Variants in SEMA3A observed in about 807,000 individuals in gnomAD.
SEMA3A encodes the protein semaphorin 3A.
SEMA3A carries 29 observed loss-of-function variants against 97.9 expected under a neutral mutation model. The observed-to-expected ratio is 0.30, with a 90% CI of 0.22 to 0.40. The LOEUF (loss-of-function observed/expected upper bound fraction) is 0.40, where lower values mean the gene tolerates loss of function less well. Ranked by LOEUF, SEMA3A falls within the 10% of genes least tolerant of loss-of-function variation. SEMA3A has a pLI of 1.00. For missense variants in SEMA3A, 763 were observed against 951.3 expected (o/e 0.80, Z 2.60); for synonymous variants, 321 against 323.7 (o/e 0.99, Z 0.09).
intron 2 of SEMA3A, among the ~76,000 whole-genome samples, chr7:84,346,708 A>G (rs913131749): frequency 6.6e-6 from 1 of 152,216 alleles, no homozygotes; most frequent in African/African-American, 2.4e-5. Flanking sequence ...ATCAAAGATT[A>G]CTGATCACAG....
intron 1 of SEMA3A, among the ~76,000 whole-genome samples, chr7:84,419,736 C>A (rs1804534070): frequency 6.6e-6 from 1 of 152,066 alleles, no homozygotes; most frequent in Non-Finnish European, 1.5e-5. Context: ...TGGGTGATCT[C>A]TATCTGAGAA....
intron 2 of SEMA3A, among the ~76,000 whole-genome samples, chr7:84,307,792 C>A (rs991097644): frequency 6.6e-6 from 1 of 151,770 alleles, no homozygotes; most frequent in Non-Finnish European, 1.5e-5. Context: ...AGGAAATATA[C>A]CAAATATTTA....
intron 1 of SEMA3A, among the ~76,000 whole-genome samples, chr7:84,476,069 T>A (rs992637569): frequency 6.6e-6 from 1 of 152,126 alleles, no homozygotes; most frequent in Admixed American, 6.5e-5. Context: ...TTTAAAAATT[T>A]TTTTTGGCCA....
intron 2 of SEMA3A, among the ~76,000 whole-genome samples, chr7:84,347,947 T>C (rs1028742176): frequency 3.3e-5 from 5 of 152,100 alleles, no homozygotes; most frequent in Non-Finnish European, 7.4e-5. Flanking sequence ...TCTAAACCCA[T>C]CAAAACTCAC....
chr7:84,081,978 A>T (rs1794179750), intron 4 of SEMA3A, among the ~76,000 whole-genome samples: 1 of 152,184 alleles, frequency 6.6e-6, no homozygotes, highest in Admixed American at 6.5e-5. Context: ...TATCAGATTA[A>T]CTAAAAGTTT....
intron 1 of SEMA3A, among the ~76,000 whole-genome samples, chr7:84,172,136 G>A (rs190260242): frequency 1.3e-4 from 19 of 151,956 alleles, no homozygotes; most frequent in Admixed American, 3.9e-4. Context: ...ATAGACCTTC[G>A]CTCTCTAAAA....
At chr7:84,028,107 G>C (rs1389152037) in intron 6 of SEMA3A, among the ~76,000 whole-genome samples, 2 of 152,146 alleles carry the variant, frequency 1.3e-5, no homozygotes, top group Non-Finnish European at 2.9e-5. Flanking sequence ...TTGATGAATG[G>C]AGAGAGGAGT....
rs539041183 is a variant in SEMA3A, at chr7:84,049,984, G to A, written c.548-3541C>T. On this transcript the variant is annotated intron_variant, in intron 5 of 16. Transcript: ENST00000265362. Reference sequence around the variant, plus strand: ...GCGGTGTTTGGTTTTTTGTTCTTGCGATAGTTTACTGAGAATGATGTTTTC... The same window carrying A: ...GCGGTGTTTGGTTTTTTGTTCTTGCAATAGTTTACTGAGAATGATGTTTTC... Among the ~76,000 whole-genome samples the A allele has an allele frequency of 1.1e-3, 165 of 150,048 alleles. 1 individual carries two copies. Among genetic ancestry groups the A allele is most frequent in the African/African-American group, 3.7e-3 (151 of 40,818 alleles).
chr7:84,012,810 A>G (rs969163331), intron 7 of SEMA3A, among the ~76,000 whole-genome samples: 4 of 152,174 alleles, frequency 2.6e-5, no homozygotes, highest in African/African-American at 4.8e-5. Flanking sequence ...GTTTTCACAA[A>G]TGATATTTAT....
intron 3 of SEMA3A, among the ~76,000 whole-genome samples, chr7:84,126,887 T>C (rs1011569251): frequency 6.6e-6 from 1 of 152,196 alleles, no homozygotes; most frequent in South Asian, 2.1e-4. Flanking sequence ...CATGAGTCAG[T>C]AGGGGTATCA....
chr7:84,222,935 T>G (rs1798912253), intron 3 of SEMA3A, among the ~76,000 whole-genome samples: 2 of 151,882 alleles, frequency 1.3e-5, no homozygotes, highest in Admixed American at 1.3e-4. Flanking sequence ...TAATAAGTTC[T>G]TCAGATGATT....
intron 3 of SEMA3A, among the ~76,000 whole-genome samples, chr7:84,277,684 A>C (rs1279765254): frequency 1.3e-5 from 2 of 152,118 alleles, no homozygotes; most frequent in African/African-American, 2.4e-5. Flanking sequence ...AGCAGAACGC[A>C]GACATCTGCT....
intron 1 of SEMA3A, among the ~76,000 whole-genome samples, chr7:84,150,944 G>A (rs893291707): frequency 1.3e-5 from 2 of 150,386 alleles, no homozygotes; most frequent in African/African-American, 2.4e-5. Context: ...TGACCCCTGA[G>A]CAGCCTAACT....
chr7:84,137,488 A>G (rs1009114064), intron 1 of SEMA3A, among the ~76,000 whole-genome samples: 5 of 151,992 alleles, frequency 3.3e-5, no homozygotes, highest in African/African-American at 9.6e-5. Flanking sequence ...AGAGTCAATA[A>G]AAGTCTGAAA....
intron 1 of SEMA3A, among the ~76,000 whole-genome samples, chr7:84,404,303 G>A (rs1218239980): frequency 1.3e-5 from 2 of 152,066 alleles, no homozygotes; most frequent in Non-Finnish European, 2.9e-5. Flanking sequence ...AGCGATGGAA[G>A]ACAAAATGAA....
intron 4 of SEMA3A, among the ~76,000 whole-genome samples, chr7:84,105,969 C>A (rs1453266273): frequency 6.6e-6 from 1 of 152,042 alleles, no homozygotes; most frequent in Non-Finnish European, 1.5e-5. Context: ...TGGAAGATAC[C>A]CAAGAATTGA....
intron 1 of SEMA3A, among the ~76,000 whole-genome samples, chr7:84,384,748 T>C (rs553920329): frequency 6.6e-6 from 1 of 152,322 alleles, no homozygotes; most frequent in South Asian, 2.1e-4. Context: ...TTTACACTCA[T>C]GTTCACCATT....
At chr7:84,438,137 T>C (rs1805183683) in intron 1 of SEMA3A, among the ~76,000 whole-genome samples, 1 of 152,050 alleles carries the variant, frequency 6.6e-6, no homozygotes, top group African/African-American at 2.4e-5. Context: ...GGAGGTTAAA[T>C]ACTATTCTCT....
chr7:84,312,925 C>T lies in SEMA3A; in HGVS notation c.-168-5633G>A, dbSNP rs551476253. Among the ~76,000 whole-genome samples the T allele has an allele frequency of 2.8e-3, 149 of 53,518 alleles. 1 individual carries two copies. Among genetic ancestry groups the T allele is most frequent in the Non-Finnish European group, 4.8e-3 (90 of 18,828 alleles). The allele number at this position is 53,518 out of a possible 152,430, so 35.1% of individuals were successfully genotyped here. On this transcript the variant is annotated intron_variant, in intron 2 of 3. Coordinates refer to the SEMA3A transcript ENST00000424555. ...ATATATATATATATATATATATACA[C>T]ACACACACACACACACACGTACACA... is the stretch of plus-strand genomic sequence containing the variant.
Sources: allele counts gnomAD v4.1 joint callset (sites outside exome capture counted in the v4.1 genomes callset), GRCh38; gene constraint gnomAD v4.1.1; transcripts MANE v1.5; gene names NCBI Gene and HGNC (gene_info 2026-07-23, HGNC 2026-07-21).